Variants in KSR2 observed in about 807,000 individuals in gnomAD.
KSR2 encodes kinase suppressor of ras 2.
Under a neutral mutation model 107.8 loss-of-function variants are expected in KSR2, and 25 were observed. That is an observed-to-expected ratio of 0.23 (90% CI 0.17 to 0.32). KSR2 has a LOEUF of 0.32. Ranked by LOEUF, KSR2 falls within the 10% of genes least tolerant of loss-of-function variation. KSR2 has a pLI of 1.00. For synonymous variants in KSR2, 480 were observed against 507.0 expected, an observed-to-expected ratio of 0.95 and a Z score of 0.71; for missense variants, 887 against 1,268.9, an observed-to-expected ratio of 0.70 and a Z score of 4.57.
chr12:117,635,089 A>T (rs1406216471), intron 5 of KSR2, among the ~76,000 whole-genome samples: 1 of 152,196 alleles, frequency 6.6e-6, no homozygotes, highest in African/African-American at 2.4e-5. Flanking sequence ...GTCTCCCAGC[A>T]TGGAGGTTCT....
chr12:117,769,935 T>C (rs1209648013), intron 3 of KSR2, among the ~76,000 whole-genome samples: 1 of 151,922 alleles, frequency 6.6e-6, no homozygotes, highest in Non-Finnish European at 1.5e-5. Flanking sequence ...ATGCCTGTAA[T>C]CCCAGCTACT....
intron 1 of KSR2, among the ~76,000 whole-genome samples, chr12:117,912,700 T>C (rs938637578): frequency 3.3e-5 from 5 of 152,192 alleles, no homozygotes; most frequent in Admixed American, 1.3e-4. Flanking sequence ...TGTAACACTT[T>C]TACATCCTGT....
At chr12:117,611,385 A>C (rs1268590676) in intron 5 of KSR2, among the ~76,000 whole-genome samples, 3 of 145,964 alleles carry the variant, frequency 2.1e-5, no homozygotes, top group Non-Finnish European at 3.0e-5. Flanking sequence ...AGTCAAATCA[A>C]GGTGTGCATC....
intron 5 of KSR2, among the ~76,000 whole-genome samples, chr12:117,606,224 T>C (rs775254485): frequency 9.9e-5 from 15 of 152,078 alleles, no homozygotes; most frequent in Non-Finnish European, 1.6e-4. Context: ...TCCTTAGTGA[T>C]TGACTCCTAA....
intron 3 of KSR2, among the ~76,000 whole-genome samples, chr12:117,792,790 G>T (rs144325949): frequency 6.6e-6 from 1 of 152,152 alleles, no homozygotes; most frequent in Non-Finnish European, 1.5e-5. Flanking sequence ...GATGTGGGGT[G>T]CGTCATCCCT....
intron 14 of KSR2, among the ~76,000 whole-genome samples, chr12:117,490,353 C>T (rs1190479500): frequency 6.6e-6 from 1 of 152,182 alleles, no homozygotes; most frequent in Non-Finnish European, 1.5e-5. Flanking sequence ...ATGGGCACAG[C>T]AGAAACAATA....
chr12:117,942,653 T>C (rs1896045587), intron 1 of KSR2, among the ~76,000 whole-genome samples: 2 of 147,212 alleles, frequency 1.4e-5, no homozygotes, highest in South Asian at 4.3e-4. Flanking sequence ...CACACCTGGC[T>C]AAATTTTTTT....
At position 117,782,415 on chromosome 12, in the gene KSR2, C is replaced by T. The variant is rs1050827838; in HGVS notation, c.473-20891G>A. On this transcript the variant is annotated intron_variant, in intron 3 of 19. Transcript: ENST00000339824. The stretch of plus-strand genomic sequence containing the variant: ...AGTAGCTAGGACTATAGGCGTGCAC[C>T]ACTACACTTAGCTAATCTTTTTTAT... Among the ~76,000 whole-genome samples, 29 of 152,126 alleles carry T rather than the reference C, an allele frequency of 1.9e-4. 1 individual carries two copies. Among genetic ancestry groups the T allele is most frequent in the African/African-American group, 6.5e-4 (27 of 41,432 alleles).
intron 4 of KSR2, among the ~76,000 whole-genome samples, chr12:117,694,287 T>C (rs922733983): frequency 5.3e-5 from 8 of 152,198 alleles, no homozygotes; most frequent in Non-Finnish European, 1.2e-4. Context: ...GTTTCCTCCA[T>C]ACTGTTCTCG....
intron 1 of KSR2, among the ~76,000 whole-genome samples, chr12:117,912,895 A>T (rs931967384): frequency 6.6e-6 from 1 of 152,198 alleles, no homozygotes; most frequent in Non-Finnish European, 1.5e-5. Context: ...CAACTAGGGA[A>T]GCTTACCTAG....
Position 117,469,694 on chromosome 12 carries a change from C to G in KSR2, c.2814G>C (p.Leu938=), listed in dbSNP as rs530909402. The change falls in exon 19 of 20, where the codon CTG becomes CTC. Residue 938 remains leucine (L), a synonymous_variant. Transcript: ENST00000339824. ...ACTTCCAGAAATGTCCAGGGTGAGA[C>G]AGGCGACGGTTTCGCTTTGGCAGTT... The part of the protein sequence containing the change: ...LEKLPKRNRR[L]SHPGHFWKSA... 1 of 1,613,306 alleles carries G rather than the reference C, an allele frequency of 6.2e-7. No homozygotes were observed. Among genetic ancestry groups the G allele is most frequent in the Admixed American group, 1.7e-5 (1 of 59,960 alleles).
At position 117,524,346 on chromosome 12, in the gene KSR2, T is replaced by C. The variant is rs1326877812; in HGVS notation, c.2219+506A>G. Among the ~76,000 whole-genome samples, 8 of 152,216 alleles carry C rather than the reference T, an allele frequency of 5.3e-5. No homozygotes were observed. In the East Asian group the frequency reaches 1.3e-3, roughly 26 times the overall value. ...ATTCCCCATTTAGTAGTCTTTGGTT[T>C]TGCTAAAGAGTTTTAGCATTAAAAA... is the stretch of plus-strand genomic sequence containing the variant. On this transcript the variant is annotated intron_variant, in intron 14 of 19. Coordinates refer to ENST00000339824, the MANE Select transcript of KSR2 (RefSeq NM_173598.6).
chr12:117,690,517 A>T (rs1565962850), intron 4 of KSR2, among the ~76,000 whole-genome samples: 1 of 151,670 alleles, frequency 6.6e-6, no homozygotes, highest in Non-Finnish European at 1.5e-5. Flanking sequence ...GTGAGCCGAG[A>T]TCACACCATT....
intron 5 of KSR2, among the ~76,000 whole-genome samples, chr12:117,626,721 CTGCTTGT>C (rs1882541193): frequency 6.6e-6 from 1 of 152,108 alleles, no homozygotes; most frequent in Non-Finnish European, 1.5e-5. Flanking sequence ...TCTATTTGGC[CTGCTTGT>C]TGCAGATCTG....
At chr12:117,474,025 C>A (rs1422399850) in intron 17 of KSR2, among the ~76,000 whole-genome samples, 1 of 152,194 alleles carries the variant, frequency 6.6e-6, no homozygotes, top group Non-Finnish European at 1.5e-5. Context: ...TAAGTCATTT[C>A]TGAGCACGAG....
At chr12:117,468,802 G>A (rs1006039435) in intron 19 of KSR2, among the ~76,000 whole-genome samples, 6 of 152,182 alleles carry the variant, frequency 3.9e-5, no homozygotes, top group East Asian at 3.8e-4. Context: ...AGGGATGTGC[G>A]TTCATGGAAT....
chr12:117,919,976 TA>T (rs1895291872), intron 1 of KSR2, among the ~76,000 whole-genome samples: 1 of 152,244 alleles, frequency 6.6e-6, no homozygotes, highest in Non-Finnish European at 1.5e-5. Flanking sequence ...TGTAGCACTT[TA>T]AAAGATGGGA....
rs193164731 is a variant in KSR2 at position 117,934,816 on chromosome 12, T to C, written c.180+33260A>G. ...GCAAGCCACAGTCGTCTTCTTCTTCTATTTATATTTTAAATTTTTTTCTTT... is the reference window on the plus strand; with the variant it reads ...GCAAGCCACAGTCGTCTTCTTCTTCCATTTATATTTTAAATTTTTTTCTTT... On this transcript the variant is annotated intron_variant, in intron 1 of 19. Coordinates refer to ENST00000339824, the MANE Select transcript of KSR2 (RefSeq NM_173598.6). Among the ~76,000 whole-genome samples the C allele has an allele frequency of 3.6e-3, 545 of 152,248 alleles. 4 individuals are homozygous for C. The highest frequency in any genetic ancestry group is 4.4e-3 in the Non-Finnish European group (300 of 67,996).
intron 5 of KSR2, among the ~76,000 whole-genome samples, chr12:117,620,586 C>T (rs1197766909): frequency 6.6e-6 from 1 of 152,148 alleles, no homozygotes; most frequent in East Asian, 1.9e-4. Flanking sequence ...AGCTTATGCA[C>T]TCTAGAGCTC....
Sources: gnomAD v4.1 joint callset for allele counts (sites outside exome capture counted in the v4.1 genomes callset) on GRCh38, gnomAD v4.1.1 for gene constraint, MANE v1.5 for transcripts, NCBI Gene and HGNC (gene_info 2026-07-23, HGNC 2026-07-21) for gene names.